The following MAL variants were observed in gnomAD, a reference collection of about 807,000 sequenced individuals.
The protein encoded by MAL is myelin and lymphocyte protein.
In MAL, 5 loss-of-function variants were observed where a neutral mutation model predicts 16.7. The ratio of observed to expected loss-of-function variants is 0.30; its 90% CI spans 0.16 to 0.63. The LOEUF is 0.63. Among genes scored for constraint, MAL ranks in the 30% least tolerant of loss-of-function variants. The pLI, the probability that MAL is intolerant of heterozygous loss-of-function variation, is 0.82. For synonymous variants in MAL, 96 were observed against 85.5 expected, an observed-to-expected ratio of 1.12 and a Z score of -0.67; for missense variants, 202 against 195.8, an observed-to-expected ratio of 1.03 and a Z score of -0.19.
In MAL at chr2:95,039,120, C is replaced by CTGAG. The variant is rs765976536; in HGVS notation, c.94-8815_94-8812dup. ...AGTGAGTGAGTAAGTGTCTGAGTGA[C>CTGAG]TGAGTGAGTGAGTGAGTGAGTGAGT... On this transcript the variant is annotated intron_variant, in intron 1 of 3. Transcript: ENST00000309988. 5.0e-4 allele frequency among the ~76,000 whole-genome samples: 36 copies of CTGAG among 71,384 alleles called. 2 individuals are homozygous for CTGAG. Among genetic ancestry groups the CTGAG allele is most frequent in the Admixed American group, 6.7e-4 (5 of 7,516 alleles). The allele number at this position is 71,384 out of a possible 152,430, so 46.8% of individuals were successfully genotyped here. A position where few individuals can be genotyped will look rare whatever the true frequency, so the allele number is the denominator to read the frequency against.
At chr2:95,028,688 G>A (rs1211143869) in intron 1 of MAL, among the ~76,000 whole-genome samples, 3 of 152,120 alleles carry the variant, frequency 2.0e-5, no homozygotes, top group East Asian at 3.8e-4. Flanking sequence ...AACAAAGTGC[G>A]ACATATCCAA....
chr2:95,044,658 C>G (rs778395154), intron 1 of MAL: 1 of 152,214 alleles, frequency 6.6e-6, no homozygotes, highest in Non-Finnish European at 1.5e-5. Context: ...ACTGCAGGAA[C>G]CTGCGAGCCA....
At chr2:95,047,907 T>C in intron 1 of MAL, 52 bp from the exon 2 acceptor site, 1 of 1,571,310 alleles carries the variant, frequency 6.4e-7, no homozygotes, top group African/African-American at 1.4e-5. Context: ...GGGCCCTTCC[T>C]GGGCTGGGGC....
intron 1 of MAL, among the ~76,000 whole-genome samples, chr2:95,039,072 GTGACTGATTGAGTGAC>G (rs1674358322): frequency 6.6e-6 from 1 of 150,760 alleles, no homozygotes; most frequent in Non-Finnish European, 1.5e-5. Context: ...GAGTGAGTGA[GTGACTGATTGAGTGAC>G]TGAGTGAGTG....
chr2:95,038,668 GTGAGTGACTGAC>G (rs1674333029), intron 1 of MAL, among the ~76,000 whole-genome samples: 1 of 151,584 alleles, frequency 6.6e-6, no homozygotes, highest in African/African-American at 2.4e-5. Flanking sequence ...GTGTGACTGA[GTGAGTGACTGAC>G]TGAGTGAGTG....
chr2:95,037,821 T>TAAGTGAGTGAGTGAGTGA, intron 1 of MAL, among the ~76,000 whole-genome samples: 1 of 149,762 alleles, frequency 6.7e-6, no homozygotes, highest in African/African-American at 2.5e-5. Flanking sequence ...AGTGAGTGAC[T>TAAGTGAGTGAGTGAGTGA]CAGTGAGTGA....
Position 95,032,172 on chromosome 2 carries a change from C to T in MAL, c.93+6287C>T, listed in dbSNP as rs574150684. ...AGCCCCACGATGCTGCTGCCAGCAG[C>T]GCTCACACTCAGGTCGGCCAGGGAC... On this transcript the variant is annotated intron_variant, in intron 1 of 3. Coordinates refer to ENST00000309988, the MANE Select transcript of MAL (RefSeq NM_002371.4). Among the ~76,000 whole-genome samples, 9 of 152,382 alleles carry T rather than the reference C, an allele frequency of 5.9e-5. No individual in the cohort carries two copies. In the South Asian group the frequency reaches 6.2e-4, roughly 11 times the overall value.
At chr2:95,051,051 C>T (rs955517504) in intron 3 of MAL, among the ~76,000 whole-genome samples, 3 of 152,162 alleles carry the variant, frequency 2.0e-5, no homozygotes. Context: ...ACAAAGGTTG[C>T]GAAATGTAGA....
chr2:95,045,275 C>T (rs537275982), intron 1 of MAL, among the ~76,000 whole-genome samples: 29 of 152,158 alleles, frequency 1.9e-4, no homozygotes, highest in Non-Finnish European at 3.8e-4. Flanking sequence ...CGCCTCTGGC[C>T]CACGGGGTCC....
At chr2:95,036,695 G>A (rs1230060857) in intron 1 of MAL, among the ~76,000 whole-genome samples, 2 of 152,170 alleles carry the variant, frequency 1.3e-5, no homozygotes, top group African/African-American at 4.8e-5. Context: ...GTGACTGAGT[G>A]AGTGAGTGAC....
intron 1 of MAL, among the ~76,000 whole-genome samples, chr2:95,027,094 T>C (rs1261644062): frequency 6.6e-6 from 1 of 151,998 alleles, no homozygotes; most frequent in Non-Finnish European, 1.5e-5. Context: ...TCAAAGCAGT[T>C]ACATTTAGAA....
chr2:95,028,743 C>T (rs904233305), intron 1 of MAL, among the ~76,000 whole-genome samples: 1 of 152,178 alleles, frequency 6.6e-6, no homozygotes, highest in African/African-American at 2.4e-5. Context: ...AGTACTGATA[C>T]GTGCTACAAA....
chr2:95,050,025 G>A (rs1197030012), intron 3 of MAL, among the ~76,000 whole-genome samples: 1 of 152,166 alleles, frequency 6.6e-6, no homozygotes, highest in Non-Finnish European at 1.5e-5. Context: ...AACATCCATG[G>A]CAACCCTACA....
chr2:95,027,949 A>G (rs1673983535), intron 1 of MAL, among the ~76,000 whole-genome samples: 1 of 152,334 alleles, frequency 6.6e-6, no homozygotes, highest in African/African-American at 2.4e-5. Flanking sequence ...AAGAAGATAC[A>G]CAAATGGCCA....
At chr2:95,040,453 A>C (rs572970197) in intron 1 of MAL, among the ~76,000 whole-genome samples, 1 of 152,288 alleles carries the variant, frequency 6.6e-6, no homozygotes, top group Admixed American at 6.5e-5. Flanking sequence ...CCTACCCTCT[A>C]TCTCACTCTT....
At chr2:95,032,442 G>T (rs981904847) in intron 1 of MAL, among the ~76,000 whole-genome samples, 2 of 152,184 alleles carry the variant, frequency 1.3e-5, no homozygotes, top group African/African-American at 4.8e-5. Flanking sequence ...GCCACTCCAG[G>T]GCTTCCTCCT....
chr2:95,039,344 GTGAGTGAC>G (rs1265496889), intron 1 of MAL, among the ~76,000 whole-genome samples: 2 of 150,680 alleles, frequency 1.3e-5, no homozygotes, highest in African/African-American at 4.9e-5. Context: ...GAGTGAGTGA[GTGAGTGAC>G]TGACTGACTG....
chr2:95,051,300 G>T (rs1451929123), intron 3 of MAL: 1 of 152,182 alleles, frequency 6.6e-6, no homozygotes, highest in Non-Finnish European at 1.5e-5. Context: ...CTAAGAATTA[G>T]GGCCAGTTAC....
chr2:95,040,248 C>T (rs530135284), intron 1 of MAL, among the ~76,000 whole-genome samples: 1 of 152,234 alleles, frequency 6.6e-6, no homozygotes, highest in South Asian at 2.1e-4. Context: ...GCACCATACA[C>T]ATACATACAC....
Sources: allele counts gnomAD v4.1 joint callset (sites outside exome capture counted in the v4.1 genomes callset), GRCh38; gene constraint gnomAD v4.1.1; transcripts MANE v1.5; gene names NCBI Gene and HGNC (gene_info 2026-07-23, HGNC 2026-07-21).